The following XRCC5 variants were observed in gnomAD, a reference collection of about 807,000 sequenced individuals.
XRCC5 encodes X-ray repair cross complementing 5, also known as DNA repair protein Ku80.
A neutral mutation model predicts 95.7 loss-of-function variants in XRCC5; 12 were observed. That is an observed-to-expected ratio of 0.13 (90% CI 0.08 to 0.20). XRCC5 has a LOEUF of 0.20. Among genes scored for constraint, XRCC5 ranks in the 10% least tolerant of loss-of-function variants. XRCC5 has a pLI of 1.00. For missense variants in XRCC5, 595 were observed against 873.9 expected (o/e 0.68, Z 4.02); for synonymous variants, 281 against 290.3 (o/e 0.97, Z 0.33).
At chr2:216,180,769 G>C (rs931473603) in intron 16 of XRCC5, among the ~76,000 whole-genome samples, 3 of 151,774 alleles carry the variant, frequency 2.0e-5, no homozygotes, top group Admixed American at 6.6e-5. Context: ...ACTTTCTCCA[G>C]AAATAAGCAG....
intron 16 of XRCC5, among the ~76,000 whole-genome samples, chr2:216,170,802 T>G (rs563682036): frequency 2.4e-4 from 36 of 152,356 alleles, no homozygotes; most frequent in African/African-American, 7.7e-4. Context: ...TAAGTGCTAA[T>G]GAGTATGATT....
chr2:216,193,476 T>A (rs969461912), intron 18 of XRCC5, among the ~76,000 whole-genome samples: 2 of 152,256 alleles, frequency 1.3e-5, no homozygotes, highest in African/African-American at 4.8e-5. Flanking sequence ...GTGAATTCTA[T>A]ATAAAAAGAA....
At chr2:216,110,903 A>G (rs570196235) in intron 1 of XRCC5, among the ~76,000 whole-genome samples, 7 of 151,986 alleles carry the variant, frequency 4.6e-5, no homozygotes, top group African/African-American at 1.7e-4. Flanking sequence ...TTTTTTTTCA[A>G]ATAATCTAAT....
chr2:216,136,534 G>C (rs1444877149), intron 10 of XRCC5, among the ~76,000 whole-genome samples: 1 of 152,040 alleles, frequency 6.6e-6, no homozygotes, highest in African/African-American at 2.4e-5. Flanking sequence ...TGTTTTTGAA[G>C]CCATGAAGGA....
intron 19 of XRCC5, among the ~76,000 whole-genome samples, chr2:216,197,978 A>C (rs1028090202): frequency 1.3e-5 from 2 of 152,200 alleles, no homozygotes; most frequent in Admixed American, 1.3e-4. Flanking sequence ...AGAGTAGTAG[A>C]ATTTTACTTG....
rs193139281 is a variant in XRCC5, at chr2:216,146,326, T to A, written c.1477-1757T>A. Among the ~76,000 whole-genome samples, 45 of 152,354 alleles carry A rather than the reference T, an allele frequency of 3.0e-4. 1 individual carries two copies. The highest frequency in any genetic ancestry group is 1.1e-3 in the Admixed American group (17 of 15,304). ...CAGGACATTGACTCTTGGATGATAC[T>A]ATTAAACCTAAGCATCTTTTATTTT... is the stretch of plus-strand genomic sequence containing the variant. On this transcript the variant is annotated intron_variant, in intron 13 of 20. Transcript: ENST00000392132.
chr2:216,127,536 A>C lies in XRCC5; in HGVS notation c.799A>C (p.Ile267Leu). 1 of 1,586,436 alleles carries C rather than the reference A, an allele frequency of 6.3e-7. No individual in the cohort carries two copies. Among genetic ancestry groups the C allele is most frequent in the East Asian group, 2.2e-5 (1 of 44,620 alleles). ...TTCCCTTTGTGTTTTGGAATGTAAG[A>C]TTCTACAGGAGAGAGTTAAAAAGAC... ...LSIRIAAYKS[I>L]LQERVKKTWT... The change falls in exon 8 of 21, where the codon ATT becomes CTT. Residue 267 changes from isoleucine (I) to leucine (L), a missense_variant and splice_region_variant. Around this residue, in one of 2 missense-constraint regions of XRCC5, gnomAD observed 286 missense variants for 491.1 expected, o/e 0.58. Transcript: ENST00000392132.
Position 216,160,034 on chromosome 2 carries a change from T to C in XRCC5, c.1671-34T>C, listed in dbSNP as rs760698748. The C allele has an allele frequency of 2.5e-5, 34 of 1,351,668 alleles. No individual in the cohort carries two copies. In the African/African-American group the frequency reaches 4.7e-4, roughly 19 times the overall value. The allele number at this position is 1,351,668 out of a possible 1,614,324, so 83.7% of individuals were successfully genotyped here. A position where few individuals can be genotyped will look rare whatever the true frequency, so the allele number is the denominator to read the frequency against. On this transcript the variant is annotated intron_variant, in intron 14 of 20. Coordinates refer to ENST00000392132, the MANE Select transcript of XRCC5 (RefSeq NM_021141.4). ...CAATAGCAATCTGGTTTTGTATTGT[T>C]TGTTCTAAGAGAAATTTTTTTTTTC...
At chr2:216,153,241 A>G (rs937732820) in intron 14 of XRCC5, among the ~76,000 whole-genome samples, 6 of 152,142 alleles carry the variant, frequency 3.9e-5, no homozygotes, top group East Asian at 1.9e-4. Context: ...AGCACTTGAC[A>G]CTGTCAGTTA....
At chr2:216,194,375 G>C (rs567279256) in intron 18 of XRCC5, among the ~76,000 whole-genome samples, 10 of 152,314 alleles carry the variant, frequency 6.6e-5, no homozygotes, top group Middle Eastern at 3.4e-3. Flanking sequence ...AAGACTTAGT[G>C]TCTGCCCTTG....
intron 15 of XRCC5, 145 bp downstream of exon 15, chr2:216,160,306 A>T (rs895962360): frequency 1.2e-5 from 6 of 492,816 alleles, no homozygotes; most frequent in African/African-American, 1.0e-4. Flanking sequence ...TATAGAAGCC[A>T]AAAAGACCCA....
intron 14 of XRCC5, 139 bp downstream of exon 14, chr2:216,148,415 A>C (rs2106019294): frequency 1.4e-6 from 1 of 695,596 alleles, no homozygotes; most frequent in Non-Finnish European, 2.3e-6. Context: ...TTTGGCCCTT[A>C]TATTGAAATA....
chr2:216,169,266 C>T (rs1689110006), intron 16 of XRCC5, among the ~76,000 whole-genome samples: 1 of 152,184 alleles, frequency 6.6e-6, no homozygotes, highest in Non-Finnish European at 1.5e-5. Context: ...TTACGTAATA[C>T]CCATGTTCAC....
At chr2:216,109,703 C>A (rs555557080) in intron 1 of XRCC5, among the ~76,000 whole-genome samples, 1 of 151,386 alleles carries the variant, frequency 6.6e-6, no homozygotes, top group Non-Finnish European at 1.5e-5. Flanking sequence ...CCATCCCATC[C>A]CTCTTCTCCC....
intron 17 of XRCC5, among the ~76,000 whole-genome samples, chr2:216,192,085 G>A (rs1436001464): frequency 6.6e-6 from 1 of 151,946 alleles, no homozygotes; most frequent in Non-Finnish European, 1.5e-5. Flanking sequence ...TGCAACCTCC[G>A]CCTCCCGGGT....
At chr2:216,177,629 A>G (rs1369111114) in intron 16 of XRCC5, among the ~76,000 whole-genome samples, 1 of 152,216 alleles carries the variant, frequency 6.6e-6, no homozygotes, top group Non-Finnish European at 1.5e-5. Flanking sequence ...GAGAAATGAA[A>G]GTCAATTTTA....
chr2:216,120,800 A>G (rs1696791562), intron 5 of XRCC5, among the ~76,000 whole-genome samples: 2 of 152,116 alleles, frequency 1.3e-5, no homozygotes, highest in African/African-American at 2.4e-5. Flanking sequence ...CAGTGGTGCA[A>G]TCTCGGCTCA....
intron 2 of XRCC5, among the ~76,000 whole-genome samples, chr2:216,114,949 T>C (rs1696661512): frequency 6.6e-6 from 1 of 151,950 alleles, no homozygotes; most frequent in African/African-American, 2.4e-5. Context: ...TTCGGGCTGC[T>C]CAAGGGAGGA....
chr2:216,116,499 G>T, intron 2 of XRCC5, 160 bp from the exon 3 acceptor site: 2 of 736,802 alleles, frequency 2.7e-6, no homozygotes, highest in East Asian at 5.4e-5. Flanking sequence ...CCTAAGAATT[G>T]TCATTGTCTG....
Sources: gnomAD v4.1 joint callset for allele counts (sites outside exome capture counted in the v4.1 genomes callset) on GRCh38, gnomAD v4.1.1 for gene constraint, gnomAD v4.1.1 regional missense constraint, MANE v1.5 for transcripts, NCBI Gene and HGNC (gene_info 2026-07-23, HGNC 2026-07-21) for gene names.